The following CATSPERT variants were observed in gnomAD, a reference collection of about 807,000 sequenced individuals.
The protein encoded by CATSPERT is catsper channel auxiliary subunit tau.
the CATSPERT span, among the ~76,000 whole-genome samples, chr2:201,596,874 G>A: frequency 6.6e-6 from 1 of 152,042 alleles, no homozygotes; most frequent in African/African-American, 2.4e-5. Flanking sequence ...CCCACCATTT[G>A]TACACTGTTT....
chr2:201,566,816 T>G, the CATSPERT span, among the ~76,000 whole-genome samples: 1 of 152,190 alleles, frequency 6.6e-6, no homozygotes, highest in South Asian at 2.1e-4. Flanking sequence ...TTTAATATTT[T>G]ATTTTTAAAA....
the CATSPERT span, among the ~76,000 whole-genome samples, chr2:201,543,282 C>T: frequency 2.6e-5 from 4 of 152,096 alleles, no homozygotes; most frequent in South Asian, 2.1e-4. Context: ...GAAATCAGAA[C>T]GTGTGATACC....
At chr2:201,508,519 A>G in the CATSPERT span, among the ~76,000 whole-genome samples, 1 of 152,234 alleles carries the variant, frequency 6.6e-6, no homozygotes, top group Non-Finnish European at 1.5e-5. Flanking sequence ...TTAAATGTAC[A>G]GTTCAATAGT....
chr2:201,556,513 GAAA>G, the CATSPERT span, among the ~76,000 whole-genome samples: 1 of 134,244 alleles, frequency 7.4e-6, no homozygotes. Flanking sequence ...ACTTCAAAAA[GAAA>G]AAAAAAAAAA....
the CATSPERT span, chr2:201,553,117 G>A: frequency 6.6e-6 from 1 of 152,122 alleles, no homozygotes; most frequent in Non-Finnish European, 1.5e-5. Context: ...CATATCACAT[G>A]TTTTTTTCTG....
the CATSPERT span, among the ~76,000 whole-genome samples, chr2:201,610,203 C>T: frequency 6.6e-6 from 1 of 152,142 alleles, no homozygotes; most frequent in East Asian, 1.9e-4. Context: ...GCCTGTAATC[C>T]CAGCACTTCG....
chr2:201,573,401 A>G, the CATSPERT span, among the ~76,000 whole-genome samples: 1 of 152,192 alleles, frequency 6.6e-6, no homozygotes, highest in Non-Finnish European at 1.5e-5. Context: ...TATGAGTACA[A>G]AATATTATCT....
the CATSPERT span, among the ~76,000 whole-genome samples, chr2:201,574,890 A>G: frequency 6.6e-6 from 1 of 151,958 alleles, no homozygotes; most frequent in African/African-American, 2.4e-5. Context: ...ACTGCAAACA[A>G]CTCTTTAGAA....
the CATSPERT span, among the ~76,000 whole-genome samples, chr2:201,584,455 G>A: frequency 6.6e-6 from 1 of 152,072 alleles, no homozygotes; most frequent in South Asian, 2.1e-4. Context: ...AGGAAATAAA[G>A]GATTAAGAAA....
the CATSPERT span, among the ~76,000 whole-genome samples, chr2:201,597,617 A>T: frequency 6.6e-6 from 1 of 152,226 alleles, no homozygotes; most frequent in South Asian, 2.1e-4. Flanking sequence ...AAGCTGCTGT[A>T]AATGTGGAGC....
chr2:201,576,699 A>T, the CATSPERT span, among the ~76,000 whole-genome samples: 1 of 152,222 alleles, frequency 6.6e-6, no homozygotes, highest in Admixed American at 6.5e-5. Flanking sequence ...GAGGTACTTA[A>T]GGAGAACTGG....
At chr2:201,582,426 A>G in the CATSPERT span, among the ~76,000 whole-genome samples, 1 of 152,118 alleles carries the variant, frequency 6.6e-6, no homozygotes, top group South Asian at 2.1e-4. Flanking sequence ...TCACAGTCAC[A>G]TATATACTAA....
At chr2:201,504,320 T>C in the CATSPERT span, among the ~76,000 whole-genome samples, 2 of 152,226 alleles carry the variant, frequency 1.3e-5, no homozygotes, top group African/African-American at 4.8e-5. Flanking sequence ...TGTAGTGAAC[T>C]CTTCAATTTT....
chr2:201,516,749 T>C, the CATSPERT span, among the ~76,000 whole-genome samples: 1 of 145,592 alleles, frequency 6.9e-6, no homozygotes, highest in African/African-American at 2.5e-5. Flanking sequence ...TTTGTGGAGA[T>C]TTTTTTTCCC....
the CATSPERT span, among the ~76,000 whole-genome samples, chr2:201,581,192 A>C: frequency 6.6e-6 from 1 of 151,192 alleles, no homozygotes; most frequent in Non-Finnish European, 1.5e-5. Flanking sequence ...GATTATTTGA[A>C]CTCAGGAGTA....
chr2:201,534,147 A>G, the CATSPERT span, among the ~76,000 whole-genome samples: 1 of 152,002 alleles, frequency 6.6e-6, no homozygotes, highest in Non-Finnish European at 1.5e-5. Flanking sequence ...ATTAAACCAG[A>G]TGTTCTTGCA....
At chr2:201,563,311 C>A in the CATSPERT span, among the ~76,000 whole-genome samples, 1 of 128,716 alleles carries the variant, frequency 7.8e-6, no homozygotes, top group African/African-American at 3.0e-5. Flanking sequence ...GCTGGCCGGG[C>A]GGGGGGCTGA....
chr2:201,495,265 T>C, the CATSPERT span, among the ~76,000 whole-genome samples: 1 of 152,078 alleles, frequency 6.6e-6, no homozygotes, highest in Admixed American at 6.6e-5. Flanking sequence ...TCATCTACCT[T>C]TAAGTCTGAG....
At chr2:201,581,290 C>A in the CATSPERT span, among the ~76,000 whole-genome samples, 1 of 150,806 alleles carries the variant, frequency 6.6e-6, no homozygotes, top group Admixed American at 6.6e-5. Flanking sequence ...CCTGTAGTCC[C>A]AGATAGTGGG....
Sources: allele counts gnomAD v4.1 joint callset (sites outside exome capture counted in the v4.1 genomes callset), GRCh38; gene constraint gnomAD v4.1.1; transcripts MANE v1.5; gene names NCBI Gene and HGNC (gene_info 2026-07-23, HGNC 2026-07-21).